MICU3: variants seen among roughly 807,000 people sequenced by gnomAD.
MICU3 encodes calcium uptake protein 3, mitochondrial.
Under a neutral mutation model 66.5 loss-of-function variants are expected in MICU3, and 62 were observed. That is an observed-to-expected ratio of 0.93 (90% CI 0.76 to 1.15). The LOEUF (loss-of-function observed/expected upper bound fraction) is 1.15. Ranked by LOEUF, MICU3 falls within the 50% of genes most tolerant of loss-of-function variation. The pLI is 0.00. For missense variants in MICU3, 779 were observed against 664.4 expected (o/e 1.17, Z -1.90); for synonymous variants, 308 against 240.7 (o/e 1.28, Z -2.59).
At chr8:17,060,791 T>G (rs1197856509) in intron 1 of MICU3, among the ~76,000 whole-genome samples, 2 of 150,022 alleles carry the variant, frequency 1.3e-5, no homozygotes, top group African/African-American at 2.5e-5. Context: ...ATTCTTTTTT[T>G]TAGGATATAA....
At chr8:17,045,600 A>C (rs889709085) in intron 1 of MICU3, among the ~76,000 whole-genome samples, 6 of 152,232 alleles carry the variant, frequency 3.9e-5, no homozygotes, top group African/African-American at 1.4e-4. Flanking sequence ...AGGTTCCTGG[A>C]GGGTGGCATA....
At position 17,027,247 on chromosome 8, in the gene MICU3, C is replaced by G; in HGVS notation, c.-33C>G. ...CCGCCCCCGCCCCTCCGTTCTCTGC[C>G]CCCTCCCAGCTCTGGTGTGGGCGGC... is the stretch of plus-strand genomic sequence containing the variant. On this transcript the variant is annotated 5_prime_UTR_variant, in exon 1 of 15. Coordinates refer to ENST00000318063, the MANE Select transcript of MICU3 (RefSeq NM_181723.3). 2.1e-6 allele frequency: 2 copies of G among 933,140 alleles called. No homozygotes were observed. Among genetic ancestry groups the G allele is most frequent in the Non-Finnish European group, 2.8e-6 (2 of 705,954 alleles). 57.8% of individuals were successfully genotyped at this position (933,140 alleles called of 1,614,324 possible). A position where few individuals can be genotyped will look rare whatever the true frequency, so the allele number is the denominator to read the frequency against.
At chr8:17,104,731 C>G (rs1439459898) in intron 10 of MICU3, among the ~76,000 whole-genome samples, 1 of 97,918 alleles carries the variant, frequency 1.0e-5, no homozygotes, top group East Asian at 2.4e-4. Flanking sequence ...CGCGGTGGCT[C>G]ACGCCTGTAA....
intron 13 of MICU3, among the ~76,000 whole-genome samples, chr8:17,117,852 C>T (rs1802831478): frequency 6.6e-6 from 1 of 152,184 alleles, no homozygotes; most frequent in Admixed American, 6.5e-5. Flanking sequence ...TCAAGTAATC[C>T]TCTTGCCTTG....
intron 12 of MICU3, 28 bp downstream of exon 12, chr8:17,114,229 G>T: frequency 7.1e-7 from 1 of 1,398,706 alleles, no homozygotes; most frequent in South Asian, 1.2e-5. Flanking sequence ...AAAATTAAAA[G>T]CAAGAAGTAA....
intron 1 of MICU3, among the ~76,000 whole-genome samples, chr8:17,048,503 C>T (rs1473545867): frequency 6.6e-6 from 1 of 152,142 alleles, no homozygotes; most frequent in African/African-American, 2.4e-5. Context: ...AAGACCCACC[C>T]CCATGATTCA....
At chr8:17,107,850 T>C (rs1801871841) in intron 11 of MICU3, among the ~76,000 whole-genome samples, 1 of 152,224 alleles carries the variant, frequency 6.6e-6, no homozygotes, top group African/African-American at 2.4e-5. Flanking sequence ...CTAATTCATG[T>C]GCCAGATATC....
chr8:17,102,068 G>A (rs532624685), intron 9 of MICU3, among the ~76,000 whole-genome samples: 1 of 151,938 alleles, frequency 6.6e-6, no homozygotes, highest in Admixed American at 6.6e-5. Flanking sequence ...GAAGTGCCTG[G>A]ATTCAAAGCC....
chr8:17,069,577 T>C, intron 2 of MICU3, 111 bp from the exon 3 acceptor site: 1 of 544,300 alleles, frequency 1.8e-6, no homozygotes, highest in South Asian at 2.7e-5. Context: ...AAACTTTGCC[T>C]TTTGGACATA....
At chr8:17,109,211 C>T (rs545722733) in intron 11 of MICU3, among the ~76,000 whole-genome samples, 1 of 151,812 alleles carries the variant, frequency 6.6e-6, no homozygotes, top group Non-Finnish European at 1.5e-5. Flanking sequence ...TGCTTATTTC[C>T]TAACAAATAT....
At chr8:17,062,336 G>A (rs1817959554) in intron 1 of MICU3, among the ~76,000 whole-genome samples, 1 of 152,020 alleles carries the variant, frequency 6.6e-6, no homozygotes, top group African/African-American at 2.4e-5. Flanking sequence ...TGTCTCTCCA[G>A]CCAGCATTCT....
chr8:17,072,626 G>T (rs149782059), intron 3 of MICU3, among the ~76,000 whole-genome samples: 1 of 152,064 alleles, frequency 6.6e-6, no homozygotes, highest in Admixed American at 6.6e-5. Flanking sequence ...TAAGTGTCTT[G>T]CAGTCACGTA....
chr8:17,037,873 A>G (rs1408526747), intron 1 of MICU3, among the ~76,000 whole-genome samples: 1 of 152,130 alleles, frequency 6.6e-6, no homozygotes, highest in African/African-American at 2.4e-5. Context: ...GAGTCAAAGG[A>G]GATCATTTTG....
chr8:17,107,035 T>C (rs1801802431), intron 11 of MICU3, among the ~76,000 whole-genome samples: 1 of 152,138 alleles, frequency 6.6e-6, no homozygotes, highest in South Asian at 2.1e-4. Context: ...TTCATTTTCA[T>C]TTGTTTACCT....
chr8:17,087,697 T>C (rs1261346094), intron 7 of MICU3, among the ~76,000 whole-genome samples: 1 of 152,050 alleles, frequency 6.6e-6, no homozygotes, highest in Non-Finnish European at 1.5e-5. Context: ...ACAATTCTCT[T>C]AGTATCCATA....
chr8:17,031,512 C>T (rs1174781127), intron 1 of MICU3, among the ~76,000 whole-genome samples: 1 of 151,856 alleles, frequency 6.6e-6, no homozygotes, highest in Non-Finnish European at 1.5e-5. Context: ...TGGTCTCAAA[C>T]TCCTGACCTC....
chr8:17,052,362 TC>T (rs1214675678), intron 1 of MICU3, among the ~76,000 whole-genome samples: 1 of 152,186 alleles, frequency 6.6e-6, no homozygotes, highest in African/African-American at 2.4e-5. Context: ...CAAGAACATT[TC>T]AAATCTTCTC....
intron 12 of MICU3, among the ~76,000 whole-genome samples, 153 bp downstream of exon 12, chr8:17,114,354 G>C (rs1338686438): frequency 6.6e-6 from 1 of 152,136 alleles, no homozygotes; most frequent in Non-Finnish European, 1.5e-5. Flanking sequence ...TCTGGTACTT[G>C]TCAGAAAACA....
chr8:17,105,369 CTCTT>C (rs767603507), intron 10 of MICU3, 40 bp from the exon 11 acceptor site: 57 of 1,220,892 alleles, frequency 4.7e-5, no homozygotes, highest in Middle Eastern at 2.5e-4. Context: ...GTTACGATTA[CTCTT>C]TCTTTATCTT....
Sources: allele counts gnomAD v4.1 joint callset (sites outside exome capture counted in the v4.1 genomes callset), GRCh38; gene constraint gnomAD v4.1.1; transcripts MANE v1.5; gene names NCBI Gene and HGNC (gene_info 2026-07-23, HGNC 2026-07-21).